Variants in NHSL3 observed in about 807,000 individuals in gnomAD.
NHSL3 encodes NHS-like protein 3.
the NHSL3 span, among the ~76,000 whole-genome samples, chr1:32,757,639 A>G: frequency 6.6e-6 from 1 of 152,172 alleles, no homozygotes; most frequent in Non-Finnish European, 1.5e-5. Flanking sequence ...GTCCCTTTAC[A>G]TCAGTTAATT....
chr1:32,745,596 C>T, the NHSL3 span, among the ~76,000 whole-genome samples: 1 of 150,944 alleles, frequency 6.6e-6, no homozygotes, highest in African/African-American at 2.4e-5. Flanking sequence ...CTCTGCTTCC[C>T]TGGTCTGCCC....
the NHSL3 span, chr1:32,768,837 C>G: frequency 6.4e-7 from 1 of 1,570,984 alleles, no homozygotes; most frequent in Non-Finnish European, 8.7e-7. Context: ...TCTGTAGCTT[C>G]TTTTCCTCCT....
At chr1:32,749,723 C>G in the NHSL3 span, among the ~76,000 whole-genome samples, 2 of 152,164 alleles carry the variant, frequency 1.3e-5, no homozygotes, top group African/African-American at 4.8e-5. Flanking sequence ...CTGCCCTCCC[C>G]TCAACACCTT....
the NHSL3 span, chr1:32,754,105 C>G: frequency 1.3e-5 from 9 of 709,390 alleles, no homozygotes; most frequent in Non-Finnish European, 2.1e-5. Flanking sequence ...GAACTCACAC[C>G]ACAAGAGGAA....
At chr1:32,768,510 G>A in the NHSL3 span, 11 of 888,730 alleles carry the variant, frequency 1.2e-5, no homozygotes, top group Non-Finnish European at 1.7e-5. Context: ...CAGGATAATC[G>A]CTTGAACTTG....
At chr1:32,768,821 C>T in the NHSL3 span, 1 of 1,597,436 alleles carries the variant, frequency 6.3e-7, no homozygotes, top group Non-Finnish European at 8.6e-7. Context: ...CCATTGGGTC[C>T]CAGCATCTGT....
chr1:32,756,470 A>AC, the NHSL3 span, among the ~76,000 whole-genome samples: 4,830 of 50,440 alleles, frequency 0.096, 895 homozygotes, highest in Middle Eastern at 0.16. Context: ...ACATGACGAG[A>AC]CCCCCCCCCC....
the NHSL3 span, chr1:32,770,504 C>T: frequency 2.9e-5 from 45 of 1,564,622 alleles, no homozygotes; most frequent in South Asian, 5.9e-5. The surrounding 1 kb of genome is among the most constrained non-coding windows in gnomAD (Gnocchi z 8.3). Flanking sequence ...GAGGGCCAGC[C>T]GGAGAGCTCT....
chr1:32,747,049 G>C, the NHSL3 span, among the ~76,000 whole-genome samples: 1 of 152,138 alleles, frequency 6.6e-6, no homozygotes, highest in Non-Finnish European at 1.5e-5. Flanking sequence ...TGGCCACTCA[G>C]GGAGGACTGT....
chr1:32,770,523 C>T, the NHSL3 span: 1 of 1,547,620 alleles, frequency 6.5e-7, no homozygotes. This position sits in a 1 kb window ranked among gnomAD's most constrained non-coding sequence, Gnocchi z 8.3. Flanking sequence ...CTACGGCTAG[C>T]AATAGCGTGG....
the NHSL3 span, among the ~76,000 whole-genome samples, chr1:32,766,002 C>T: frequency 1.3e-5 from 2 of 151,700 alleles, no homozygotes; most frequent in Non-Finnish European, 3.0e-5. Context: ...TTTGTTGCTG[C>T]CTTTGTCTGG....
the NHSL3 span, chr1:32,772,931 C>A: frequency 6.2e-7 from 1 of 1,601,488 alleles, no homozygotes; most frequent in Non-Finnish European, 8.6e-7. Context: ...CCCAGAAACA[C>A]AATCTCAGGG....
At chr1:32,772,862 C>T in the NHSL3 span, 8 of 1,613,908 alleles carry the variant, frequency 5.0e-6, no homozygotes, top group Non-Finnish European at 5.1e-6. Flanking sequence ...TTTTCTCCCC[C>T]AGACTCACAG....
chr1:32,752,968 T>G, the NHSL3 span, among the ~76,000 whole-genome samples: 1 of 130,614 alleles, frequency 7.7e-6, no homozygotes. Flanking sequence ...TATATATATA[T>G]TTTGGTTTTT....
chr1:32,750,787 T>G, the NHSL3 span, among the ~76,000 whole-genome samples: 1 of 151,508 alleles, frequency 6.6e-6, no homozygotes, highest in African/African-American at 2.4e-5. Context: ...ATTACAGGCA[T>G]GAGCCACAGC....
the NHSL3 span, chr1:32,768,026 G>C: frequency 6.2e-7 from 1 of 1,613,282 alleles, no homozygotes; most frequent in African/African-American, 1.3e-5. Flanking sequence ...TCAAGGTCAG[G>C]GGCCTAACCC....
the NHSL3 span, among the ~76,000 whole-genome samples, chr1:32,742,611 G>A: frequency 6.6e-6 from 1 of 152,242 alleles, no homozygotes; most frequent in Non-Finnish European, 1.5e-5. Context: ...GGTCTGGAAG[G>A]TCAACCGCAC....
the NHSL3 span, chr1:32,774,823 G>T: frequency 6.6e-6 from 1 of 152,436 alleles, no homozygotes; most frequent in Non-Finnish European, 1.5e-5. Flanking sequence ...TAAAATGTTA[G>T]AAGTATATAT....
At chr1:32,770,481 TAAGGGTGGCTCTGAGGGC>T in the NHSL3 span, 1 of 1,581,140 alleles carries the variant, frequency 6.3e-7, no homozygotes, top group African/African-American at 1.3e-5. This position sits in a 1 kb window ranked among gnomAD's most constrained non-coding sequence, Gnocchi z 8.3. Flanking sequence ...CCCTCTCCTC[TAAGGGTGGCTCTGAGGGC>T]CAGCCGGAGA....
Sources: allele counts gnomAD v4.1 joint callset (sites outside exome capture counted in the v4.1 genomes callset), GRCh38; gene constraint gnomAD v4.1.1; non-coding constraint Gnocchi (gnomAD v3.1); transcripts MANE v1.5; gene names NCBI Gene and HGNC (gene_info 2026-07-23, HGNC 2026-07-21).